The following STAG1 variants were observed in gnomAD, a reference collection of about 807,000 sequenced individuals.
STAG1 encodes STAG1 cohesin complex component.
Under a neutral mutation model 170.9 loss-of-function variants are expected in STAG1, and 26 were observed. That is an observed-to-expected ratio of 0.15 (90% confidence interval 0.11 to 0.21). STAG1 has a LOEUF of 0.21. Among genes scored for constraint, STAG1 ranks in the 10% least tolerant of loss-of-function variants. The pLI is 1.00. For missense variants in STAG1, 964 were observed against 1,509.5 expected (o/e 0.64, Z 5.99); for synonymous variants, 514 against 497.7 (o/e 1.03, Z -0.44).
rs779190701 is a variant in STAG1 at position 136,568,893 on chromosome 3, C to CA, written c.298-33dup. 4.0e-6 allele frequency: 6 copies of CA among 1,516,774 alleles called. No homozygotes were observed. In the African/African-American group the frequency reaches 7.0e-5, roughly 18 times the overall value. The allele number at this position is 1,516,774 out of a possible 1,614,324, so 94.0% of individuals were successfully genotyped here. On this transcript the variant is annotated intron_variant, in intron 4 of 33. Coordinates refer to ENST00000383202, the MANE Select transcript of STAG1 (RefSeq NM_005862.3). ...AAAAAAAATATAAAAATGAAAACTT[C>CA]AAAAAAATTTGATATTATAGCAAAT...
intron 1 of STAG1, among the ~76,000 whole-genome samples, chr3:136,740,311 A>G (rs1212063575): frequency 1.3e-5 from 2 of 152,200 alleles, no homozygotes; most frequent in Non-Finnish European, 2.9e-5. Flanking sequence ...ATAGACTACT[A>G]CAAAAGCTTC....
rs34852075 is a variant in STAG1, at chr3:136,678,996, C to CAA, written c.-83-48017_-83-48016dup. Among the ~76,000 whole-genome samples, 111 of 81,554 alleles carry CAA rather than the reference C, an allele frequency of 1.4e-3. 1 individual carries two copies. Among genetic ancestry groups the CAA allele is most frequent in the South Asian group, 7.0e-3 (17 of 2,434 alleles). The allele number at this position is 81,554 out of a possible 152,430, so 53.5% of individuals were successfully genotyped here. A position where few individuals can be genotyped will look rare whatever the true frequency, so the allele number is the denominator to read the frequency against. ...AACAAAGAATATCAAAAATACTTCA[C>CAA]AAAAAAAAAAAAAAACAAATGTCTA... On this transcript the variant is annotated intron_variant, in intron 1 of 33. Coordinates refer to ENST00000383202, the MANE Select transcript of STAG1 (RefSeq NM_005862.3).
intron 5 of STAG1, among the ~76,000 whole-genome samples, chr3:136,558,876 T>C (rs930928116): frequency 7.2e-5 from 11 of 152,212 alleles, no homozygotes; most frequent in Admixed American, 5.2e-4. Flanking sequence ...ATGGGAAATA[T>C]AAATTAACTG....
chr3:136,466,576 T>A lies in STAG1; in HGVS notation c.1206-1588A>T, dbSNP rs549224121. Among the ~76,000 whole-genome samples the A allele has an allele frequency of 3.3e-5, 5 of 152,220 alleles. No individual in the cohort carries two copies. The South Asian group carries it at 1.0e-3, about 32-fold the overall frequency. Reference sequence around the variant, plus strand: ...AGAATGGAAACAAGTTGGAAAACACTCTGCAGGATATTATCCAGGAGAACT... The same window carrying A: ...AGAATGGAAACAAGTTGGAAAACACACTGCAGGATATTATCCAGGAGAACT... On this transcript the variant is annotated intron_variant, in intron 12 of 33. Transcript: ENST00000383202.
intron 5 of STAG1, among the ~76,000 whole-genome samples, chr3:136,554,553 A>G (rs1046468370): frequency 2.0e-5 from 3 of 152,286 alleles, no homozygotes; most frequent in South Asian, 4.1e-4. Context: ...CTAAAGAAGA[A>G]AACAATACAA....
At chr3:136,427,420 G>C (rs1009977235) in intron 16 of STAG1, among the ~76,000 whole-genome samples, 2 of 152,098 alleles carry the variant, frequency 1.3e-5, no homozygotes, top group Admixed American at 1.3e-4. Context: ...AGTGAATTGT[G>C]TATCATAGTC....
chr3:136,651,489 G>C (rs1941215352), intron 1 of STAG1, among the ~76,000 whole-genome samples: 1 of 150,632 alleles, frequency 6.6e-6, no homozygotes, highest in African/African-American at 2.4e-5. Context: ...TAAAAATCTT[G>C]TAAATATTAA....
chr3:136,741,747 C>T (rs1934682729), intron 1 of STAG1, among the ~76,000 whole-genome samples: 1 of 152,150 alleles, frequency 6.6e-6, no homozygotes, highest in Non-Finnish European at 1.5e-5. Context: ...GGATTACAGG[C>T]ATGAGTCACT....
At chr3:136,706,608 C>A (rs1488699408) in intron 1 of STAG1, among the ~76,000 whole-genome samples, 2 of 152,148 alleles carry the variant, frequency 1.3e-5, no homozygotes, top group Non-Finnish European at 2.9e-5. Flanking sequence ...CCAATTAGAT[C>A]ATTTAATATT....
chr3:136,584,896 C>T lies in STAG1; in HGVS notation c.298-16035G>A, dbSNP rs578013007. 1.7e-4 allele frequency among the ~76,000 whole-genome samples: 26 copies of T among 152,296 alleles called. No individual in the cohort carries two copies. In the South Asian group the frequency reaches 5.0e-3, roughly 29 times the overall value. On this transcript the variant is annotated intron_variant, in intron 4 of 33. Coordinates refer to ENST00000383202, the MANE Select transcript of STAG1 (RefSeq NM_005862.3). Reference sequence around the variant, plus strand: ...CTAAGACTATACATGCCAGATTATACTCTGTCTTGTTTTAAGTAACTCAGG... The same window carrying T: ...CTAAGACTATACATGCCAGATTATATTCTGTCTTGTTTTAAGTAACTCAGG...
chr3:136,641,983 A>C (rs955941033), intron 1 of STAG1, among the ~76,000 whole-genome samples: 3 of 152,186 alleles, frequency 2.0e-5, no homozygotes, highest in African/African-American at 7.2e-5. Context: ...AAAAGATCTA[A>C]GGACATGAAG....
At chr3:136,502,226 G>C (rs1016064313) in intron 8 of STAG1, among the ~76,000 whole-genome samples, 1 of 152,002 alleles carries the variant, frequency 6.6e-6, no homozygotes, top group Non-Finnish European at 1.5e-5. Flanking sequence ...ATATGAAAAT[G>C]TCATTGTAAA....
chr3:136,672,457 T>C (rs1942006176), intron 1 of STAG1, among the ~76,000 whole-genome samples: 2 of 152,214 alleles, frequency 1.3e-5, no homozygotes, highest in South Asian at 2.1e-4. Context: ...CCAGATATAT[T>C]GTATTCCTAA....
chr3:136,338,468 TTTC>T lies in STAG1; in HGVS notation c.3673-21_3673-19del, dbSNP rs1418966275. 1.9e-6 allele frequency: 3 copies of T among 1,596,930 alleles called. No homozygotes were observed. Among genetic ancestry groups the T allele is most frequent in the African/African-American group, 2.7e-5 (2 of 74,498 alleles). ...GATGGAGGCTGGAAAGAGAAATCGG[TTTC>T]TTAATTTTTTTCTGAGATCATTAAG... On this transcript the variant is annotated intron_variant, in intron 32 of 33. Transcript: ENST00000383202.
chr3:136,401,760 T>C (rs2087331753), intron 21 of STAG1, among the ~76,000 whole-genome samples: 1 of 152,190 alleles, frequency 6.6e-6, no homozygotes, highest in Non-Finnish European at 1.5e-5. Flanking sequence ...ATACCTAATA[T>C]TGATATTCCT....
At chr3:136,647,113 GTTAAAT>G (rs1941053998) in intron 1 of STAG1, among the ~76,000 whole-genome samples, 1 of 151,740 alleles carries the variant, frequency 6.6e-6, no homozygotes, top group African/African-American at 2.4e-5. Context: ...AACTTAAATC[GTTAAAT>G]TTAACCTATT....
At chr3:136,671,815 G>A (rs1442088733) in intron 1 of STAG1, among the ~76,000 whole-genome samples, 3 of 152,252 alleles carry the variant, frequency 2.0e-5, no homozygotes, top group South Asian at 2.1e-4. Context: ...CCAGGACGCC[G>A]AGGCTGCAGT....
intron 1 of STAG1, among the ~76,000 whole-genome samples, chr3:136,637,930 T>G (rs1940636921): frequency 6.6e-6 from 1 of 151,818 alleles, no homozygotes; most frequent in Non-Finnish European, 1.5e-5. Context: ...TACAGTGCAG[T>G]GGAGCAATTC....
At chr3:136,611,658 C>CAT (rs1357118748) in intron 3 of STAG1, among the ~76,000 whole-genome samples, 2 of 72,568 alleles carry the variant, frequency 2.8e-5, no homozygotes, top group African/African-American at 1.2e-4. Flanking sequence ...CCACACCCAG[C>CAT]TTTTTTTTTT....
Sources: allele counts gnomAD v4.1 joint callset (sites outside exome capture counted in the v4.1 genomes callset), GRCh38; gene constraint gnomAD v4.1.1; transcripts MANE v1.5; gene names NCBI Gene and HGNC (gene_info 2026-07-23, HGNC 2026-07-21).